Variants in CCSER1 observed in about 807,000 individuals in gnomAD.
CCSER1 encodes the protein coiled-coil serine rich protein 1, also known as serine-rich coiled-coil domain-containing protein 1.
In CCSER1, 41 loss-of-function variants were observed where a neutral mutation model predicts 82.0. The observed-to-expected ratio is 0.50, with a 90% CI of 0.39 to 0.65. The LOEUF (loss-of-function observed/expected upper bound fraction) is 0.65. Ranked by LOEUF, CCSER1 falls within the 30% of genes least tolerant of loss-of-function variation. The pLI is 0.00. For synonymous variants in CCSER1, 414 were observed against 383.9 expected (o/e 1.08, Z -0.92); for missense variants, 1,119 against 1,064.2 (o/e 1.05, Z -0.72).
chr4:90,442,100 C>A (rs1440824287), intron 4 of CCSER1, among the ~76,000 whole-genome samples: 1 of 151,992 alleles, frequency 6.6e-6, no homozygotes, highest in Non-Finnish European at 1.5e-5. Context: ...TTTTTAGTAA[C>A]AAGGCAGATT....
At chr4:90,346,180 A>G (rs1321804554) in intron 3 of CCSER1, among the ~76,000 whole-genome samples, 1 of 152,132 alleles carries the variant, frequency 6.6e-6, no homozygotes, top group Non-Finnish European at 1.5e-5. Context: ...GCTGTTACAT[A>G]AAGAATCCTT....
chr4:91,259,398 A>G (rs754508852), intron 10 of CCSER1, among the ~76,000 whole-genome samples: 1 of 152,172 alleles, frequency 6.6e-6, no homozygotes, highest in Non-Finnish European at 1.5e-5. Flanking sequence ...AGCTGAAATA[A>G]TCATGAAAGG....
intron 10 of CCSER1, among the ~76,000 whole-genome samples, chr4:91,548,408 C>T (rs1761994014): frequency 1.3e-5 from 2 of 152,146 alleles, no homozygotes; most frequent in South Asian, 2.1e-4. Flanking sequence ...TAAAAATATG[C>T]AAAATAAGTT....
intron 5 of CCSER1, among the ~76,000 whole-genome samples, chr4:90,503,423 T>A (rs1408671824): frequency 6.6e-6 from 1 of 152,216 alleles, no homozygotes; most frequent in East Asian, 1.9e-4. Flanking sequence ...TTTCTTTTTT[T>A]AATTATACTT....
At chr4:91,181,738 G>A (rs906167263) in intron 10 of CCSER1, among the ~76,000 whole-genome samples, 15 of 152,128 alleles carry the variant, frequency 9.9e-5, no homozygotes, top group Non-Finnish European at 1.6e-4. Flanking sequence ...TCTGCAATGC[G>A]ATCTTCCTAA....
chr4:91,432,471 G>A (rs560207124), intron 10 of CCSER1, among the ~76,000 whole-genome samples: 221 of 152,170 alleles, frequency 1.5e-3, no homozygotes, highest in African/African-American at 5.1e-3. Context: ...TACAGACAAC[G>A]TTTTCTGTAT....
At chr4:91,362,080 A>G (rs1749285619) in intron 10 of CCSER1, among the ~76,000 whole-genome samples, 1 of 151,878 alleles carries the variant, frequency 6.6e-6, no homozygotes, top group Non-Finnish European at 1.5e-5. Flanking sequence ...CATATTTGAG[A>G]GACTGCAAGG....
chr4:90,721,132 G>A (rs1007025525), intron 6 of CCSER1, among the ~76,000 whole-genome samples: 4 of 151,824 alleles, frequency 2.6e-5, no homozygotes, highest in African/African-American at 7.2e-5. Context: ...TGACACTTAG[G>A]AGAAAAATGA....
intron 10 of CCSER1, among the ~76,000 whole-genome samples, chr4:91,344,075 C>A (rs1389629474): frequency 1.3e-5 from 2 of 152,124 alleles, no homozygotes; most frequent in African/African-American, 4.8e-5. Context: ...ATGTTGAAAC[C>A]TAATCCCTAA....
At chr4:91,115,806 C>CTT (rs527629667) in intron 10 of CCSER1, among the ~76,000 whole-genome samples, 7 of 101,560 alleles carry the variant, frequency 6.9e-5, no homozygotes, top group African/African-American at 2.7e-4. Flanking sequence ...CTAGCTTTTT[C>CTT]TTTTTTTTTT....
intron 5 of CCSER1, among the ~76,000 whole-genome samples, chr4:90,565,161 A>G (rs981864097): frequency 2.6e-5 from 4 of 151,940 alleles, no homozygotes; most frequent in Non-Finnish European, 4.4e-5. Flanking sequence ...ATTCATGAAC[A>G]TGTGAGATCT....
chr4:91,467,409 C>T (rs1335982387), intron 10 of CCSER1, among the ~76,000 whole-genome samples: 3 of 152,182 alleles, frequency 2.0e-5, no homozygotes, highest in East Asian at 3.8e-4. Context: ...TAGAAGAAAT[C>T]CTAGGCAATA....
At chr4:91,387,411 G>A (rs957701658) in intron 10 of CCSER1, among the ~76,000 whole-genome samples, 1 of 151,826 alleles carries the variant, frequency 6.6e-6, no homozygotes, top group Non-Finnish European at 1.5e-5. Flanking sequence ...TTAATAAGGA[G>A]ACAATTTAAC....
At chr4:91,379,180 G>A (rs1014632163) in intron 10 of CCSER1, among the ~76,000 whole-genome samples, 3 of 152,072 alleles carry the variant, frequency 2.0e-5, no homozygotes, top group Non-Finnish European at 4.4e-5. Context: ...TTTTTGCATC[G>A]ATCTTCATCA....
intron 10 of CCSER1, among the ~76,000 whole-genome samples, chr4:91,474,843 C>T (rs971763190): frequency 1.4e-5 from 2 of 144,784 alleles, no homozygotes; most frequent in Non-Finnish European, 3.0e-5. Context: ...ACACACATTG[C>T]CTTCCAAATT....
intron 9 of CCSER1, among the ~76,000 whole-genome samples, chr4:91,047,848 C>T (rs1742647739): frequency 6.6e-6 from 1 of 152,034 alleles, no homozygotes; most frequent in African/African-American, 2.4e-5. Context: ...AGTTCAAATC[C>T]TCAAGAATCT....
At chr4:91,133,520 G>A (rs1448759563) in intron 10 of CCSER1, among the ~76,000 whole-genome samples, 1 of 152,128 alleles carries the variant, frequency 6.6e-6, no homozygotes, top group African/African-American at 2.4e-5. Context: ...GACGCCTCTG[G>A]TATTGAACTG....
intron 10 of CCSER1, among the ~76,000 whole-genome samples, chr4:91,436,933 G>T (rs546131137): frequency 6.6e-6 from 1 of 152,314 alleles, no homozygotes; most frequent in South Asian, 2.1e-4. Flanking sequence ...TGTCCTTGGT[G>T]CCTAGGGACT....
intron 10 of CCSER1, among the ~76,000 whole-genome samples, chr4:91,421,443 A>G (rs984260136): frequency 1.3e-5 from 2 of 152,174 alleles, no homozygotes; most frequent in African/African-American, 4.8e-5. Context: ...TAACTCTGAT[A>G]TCCCAGGCAG....
Sources: gnomAD v4.1 joint callset for allele counts (sites outside exome capture counted in the v4.1 genomes callset) on GRCh38, gnomAD v4.1.1 for gene constraint, MANE v1.5 for transcripts, NCBI Gene and HGNC (gene_info 2026-07-23, HGNC 2026-07-21) for gene names.